Variants in RPS6KA5 observed in about 807,000 individuals in gnomAD.
The protein encoded by RPS6KA5 is ribosomal protein S6 kinase A5.
Under a neutral mutation model 85.5 loss-of-function variants are expected in RPS6KA5, and 27 were observed. That is an observed-to-expected ratio of 0.32 (90% CI 0.23 to 0.44). The LOEUF is 0.44. Ranked by LOEUF, RPS6KA5 falls within the 20% of genes least tolerant of loss-of-function variation. RPS6KA5 has a pLI of 1.00. For synonymous variants in RPS6KA5, 334 were observed against 348.2 expected (o/e 0.96, Z 0.46); for missense variants, 811 against 980.9 (o/e 0.83, Z 2.31).
At chr14:90,893,615 G>A (rs1050453403) in intron 13 of RPS6KA5, among the ~76,000 whole-genome samples, 7 of 152,070 alleles carry the variant, frequency 4.6e-5, no homozygotes, top group Admixed American at 1.3e-4. Context: ...ATATATACTC[G>A]AGAACATATT....
At chr14:91,030,611 GAAAAAAAAAAA>G (rs58737573) in intron 1 of RPS6KA5, among the ~76,000 whole-genome samples, 22 of 22,072 alleles carry the variant, frequency 1.0e-3, no homozygotes, top group East Asian at 3.1e-3. Context: ...AAAATAAACA[GAAAAAAAAAAA>G]AAAAAAAAAA....
rs184394515 is a variant in RPS6KA5, at chr14:90,868,559, C to A, written c.*3515G>T. 4 of 152,240 alleles carry A rather than the reference C, an allele frequency of 2.6e-5. No homozygotes were observed. Among genetic ancestry groups the A allele is most frequent in the African/African-American group, 9.6e-5 (4 of 41,540 alleles). The allele number at this position is 152,240 out of a possible 1,614,324, so 9.4% of individuals were successfully genotyped here. A position where few individuals can be genotyped will look rare whatever the true frequency, so the allele number is the denominator to read the frequency against. ...TATTAGATGTATTCTCACATGAACA[C>A]TCAAATCATGCTATTATTATCAGTC... On this transcript the variant is annotated 3_prime_UTR_variant, in exon 17 of 17. Transcript: ENST00000614987.
intron 3 of RPS6KA5, among the ~76,000 whole-genome samples, chr14:90,958,139 C>T (rs1456546858): frequency 6.6e-6 from 1 of 151,812 alleles, no homozygotes; most frequent in African/African-American, 2.4e-5. Flanking sequence ...AGAGTGAAAC[C>T]CTGTCTCAAG....
intron 1 of RPS6KA5, among the ~76,000 whole-genome samples, chr14:91,017,954 A>C (rs1332721959): frequency 2.0e-5 from 3 of 152,176 alleles, no homozygotes; most frequent in Admixed American, 2.0e-4. Context: ...ACTCCACAAT[A>C]AAGGTAAGGA....
intron 1 of RPS6KA5, among the ~76,000 whole-genome samples, chr14:91,051,788 C>T (rs987876955): frequency 2.0e-5 from 3 of 151,060 alleles, no homozygotes; most frequent in East Asian, 1.9e-4. Context: ...CATGTCTGGC[C>T]GAAAGATTTA....
intron 5 of RPS6KA5, among the ~76,000 whole-genome samples, chr14:90,924,444 T>C (rs530313641): frequency 2.0e-5 from 3 of 152,210 alleles, no homozygotes; most frequent in Non-Finnish European, 4.4e-5. Context: ...AGGGGAAGGA[T>C]GCACCATAAA....
At chr14:90,882,763 A>G (rs1000362029) in intron 14 of RPS6KA5, among the ~76,000 whole-genome samples, 7 of 152,092 alleles carry the variant, frequency 4.6e-5, no homozygotes, top group Admixed American at 2.0e-4. Context: ...ATCTAACTGA[A>G]GATCACTTGT....
chr14:90,941,583 T>C (rs2037573812), intron 5 of RPS6KA5, among the ~76,000 whole-genome samples: 1 of 152,220 alleles, frequency 6.6e-6, no homozygotes, highest in Admixed American at 6.5e-5. Flanking sequence ...CAGCTGCCTA[T>C]GTGAACAGGG....
chr14:90,986,684 G>A (rs2040068683), intron 2 of RPS6KA5, among the ~76,000 whole-genome samples: 1 of 152,152 alleles, frequency 6.6e-6, no homozygotes, highest in Middle Eastern at 3.2e-3. Flanking sequence ...GCTGGAGAAA[G>A]GCCTCAGGTA....
chr14:90,937,577 C>T (rs992473908), intron 5 of RPS6KA5, among the ~76,000 whole-genome samples: 2 of 152,134 alleles, frequency 1.3e-5, no homozygotes, highest in South Asian at 2.1e-4. Flanking sequence ...CTGATAAATA[C>T]ATATCCGAGA....
chr14:90,873,130 A>C (rs1389785036), intron 16 of RPS6KA5, among the ~76,000 whole-genome samples: 2 of 152,178 alleles, frequency 1.3e-5, no homozygotes, highest in African/African-American at 4.8e-5. Context: ...AATTATCTTA[A>C]TATATTTGCA....
rs892944610 is a variant in RPS6KA5, at chr14:91,043,946, G to A, written c.103+16386C>T. ...TACGATAAGAAAATTATCCAAGTAG[G>A]CAGGACGCAGTGGCTCACGCCTGTA... On this transcript the variant is annotated intron_variant, in intron 1 of 16. Coordinates refer to ENST00000614987, the MANE Select transcript of RPS6KA5 (RefSeq NM_004755.4). Among the ~76,000 whole-genome samples the A allele has an allele frequency of 6.6e-5, 10 of 152,278 alleles. No homozygotes were observed. The Middle Eastern group carries it at 0.01, about 155-fold the overall frequency.
At chr14:90,914,348 C>T (rs1313784854) in intron 7 of RPS6KA5, among the ~76,000 whole-genome samples, 2 of 120,594 alleles carry the variant, frequency 1.7e-5, no homozygotes, top group Non-Finnish European at 3.3e-5. Context: ...GAGTTTCACT[C>T]TTTCACAACA....
At chr14:91,043,719 A>T (rs1287648141) in intron 1 of RPS6KA5, among the ~76,000 whole-genome samples, 1 of 152,102 alleles carries the variant, frequency 6.6e-6, no homozygotes, top group Non-Finnish European at 1.5e-5. Flanking sequence ...ACAAAACTGG[A>T]TCCTATCTTT....
chr14:90,969,930 T>C (rs1237620719), intron 3 of RPS6KA5, among the ~76,000 whole-genome samples: 1 of 152,126 alleles, frequency 6.6e-6, no homozygotes, highest in Admixed American at 6.5e-5. Context: ...CTCTTCCTTC[T>C]GATATGCTTC....
chr14:90,890,708 C>T, intron 13 of RPS6KA5, 30 bp from the exon 14 acceptor site: 1 of 1,572,410 alleles, frequency 6.4e-7, no homozygotes, highest in Middle Eastern at 1.8e-4. Context: ...ACATTAGTTT[C>T]TCACTAGGCA....
intron 12 of RPS6KA5, among the ~76,000 whole-genome samples, chr14:90,898,667 C>T (rs1479004859): frequency 6.6e-6 from 1 of 152,098 alleles, no homozygotes; most frequent in East Asian, 1.9e-4. Flanking sequence ...ACTGCATCAC[C>T]CCACCTGGTC....
chr14:90,893,900 A>C, intron 13 of RPS6KA5: 1 of 605,924 alleles, frequency 1.7e-6, no homozygotes, highest in Non-Finnish European at 2.1e-6. Flanking sequence ...AGTTCTATAA[A>C]TATTATAGCA....
At chr14:90,940,130 T>C (rs567339268) in intron 5 of RPS6KA5, among the ~76,000 whole-genome samples, 14 of 152,154 alleles carry the variant, frequency 9.2e-5, no homozygotes, top group Admixed American at 7.2e-4. Context: ...CCAAGCATGA[T>C]AGTATGTCCT....
Sources: allele counts gnomAD v4.1 joint callset (sites outside exome capture counted in the v4.1 genomes callset), GRCh38; gene constraint gnomAD v4.1.1; transcripts MANE v1.5; gene names NCBI Gene and HGNC (gene_info 2026-07-23, HGNC 2026-07-21).